Variants in ZNF521 observed in about 807,000 individuals in gnomAD.
ZNF521 encodes LYST-interacting protein 3.
In ZNF521, 14 loss-of-function variants were observed where a neutral mutation model predicts 105.5. The observed-to-expected ratio is 0.13, with a 90% CI of 0.09 to 0.21. The LOEUF (loss-of-function observed/expected upper bound fraction) is 0.21, where lower values mean the gene tolerates loss of function less well. Ranked by LOEUF, ZNF521 falls within the 10% of genes least tolerant of loss-of-function variation. ZNF521 has a pLI of 1.00. For missense variants in ZNF521, 1,233 were observed against 1,629.7 expected, an observed-to-expected ratio of 0.76 and a Z score of 4.19; for synonymous variants, 635 against 606.0, an observed-to-expected ratio of 1.05 and a Z score of -0.70.
At chr18:25,337,504 A>T (rs374192760) in intron 2 of ZNF521, among the ~76,000 whole-genome samples, 6 of 152,230 alleles carry the variant, frequency 3.9e-5, no homozygotes, top group African/African-American at 1.4e-4. Flanking sequence ...AAATAAATAC[A>T]AATAGTTTAT....
intron 3 of ZNF521, among the ~76,000 whole-genome samples, chr18:25,276,629 AT>A (rs1910049127): frequency 6.6e-6 from 1 of 152,176 alleles, no homozygotes; most frequent in Non-Finnish European, 1.5e-5. Context: ...TGCCTGCCTA[AT>A]TCAAGGAAAA....
chr18:25,135,889 G>C (rs1334383364), intron 5 of ZNF521, among the ~76,000 whole-genome samples: 2 of 152,042 alleles, frequency 1.3e-5, no homozygotes, highest in African/African-American at 4.8e-5. Context: ...TAATATATAT[G>C]TCAGCTTAGT....
At chr18:25,078,964 G>A (rs1296569227) in intron 7 of ZNF521, among the ~76,000 whole-genome samples, 1 of 152,216 alleles carries the variant, frequency 6.6e-6, no homozygotes, top group Non-Finnish European at 1.5e-5. Context: ...CCGGCTCTGG[G>A]CTGCAACAAG....
chr18:25,280,085 T>C (rs1337600058), intron 3 of ZNF521, among the ~76,000 whole-genome samples: 8 of 152,142 alleles, frequency 5.3e-5, no homozygotes, highest in African/African-American at 1.9e-4. Context: ...GCTGGAAGGA[T>C]CCTTGGAGAA....
chr18:25,203,757 T>C (rs1309334113), intron 4 of ZNF521, among the ~76,000 whole-genome samples: 1 of 152,200 alleles, frequency 6.6e-6, no homozygotes, highest in African/African-American at 2.4e-5. Context: ...AACCTATAGA[T>C]ACTTGTTTTA....
At chr18:25,110,084 T>TG (rs1486616801) in intron 5 of ZNF521, among the ~76,000 whole-genome samples, 2 of 152,214 alleles carry the variant, frequency 1.3e-5, no homozygotes, top group Non-Finnish European at 2.9e-5. Flanking sequence ...CCATAGGCTG[T>TG]GGGGCAGAAA....
intron 5 of ZNF521, among the ~76,000 whole-genome samples, chr18:25,193,184 T>C (rs1047261268): frequency 4.6e-5 from 7 of 151,982 alleles, no homozygotes; most frequent in East Asian, 1.9e-4. Flanking sequence ...ATAGGAATGA[T>C]ATAAAGCAAT....
chr18:25,293,619 A>C (rs563717369), intron 3 of ZNF521, among the ~76,000 whole-genome samples: 1 of 152,316 alleles, frequency 6.6e-6, no homozygotes, highest in Admixed American at 6.5e-5. Flanking sequence ...CAACACTTGG[A>C]GATTTTATGC....
chr18:25,063,611 G>A (rs1215125276), intron 7 of ZNF521, among the ~76,000 whole-genome samples: 1 of 152,178 alleles, frequency 6.6e-6, no homozygotes, highest in Non-Finnish European at 1.5e-5. Flanking sequence ...TGAACCTCTG[G>A]TCATTCAGCC....
In ZNF521 at chr18:25,242,394, G is replaced by A. The variant is rs188727660; in HGVS notation, c.221-14697C>T. Among the ~76,000 whole-genome samples the A allele has an allele frequency of 1.4e-3, 216 of 152,182 alleles. 1 individual carries two copies. The highest frequency in any genetic ancestry group is 4.9e-3 in the African/African-American group (203 of 41,522). ...TACAAATTTTCAGCCTTCAAGAGAC[G>A]TAATCAAAAAGTTCAAAGATCATGG... On this transcript the variant is annotated intron_variant, in intron 3 of 7. Coordinates refer to ENST00000361524, the MANE Select transcript of ZNF521 (RefSeq NM_015461.3).
In ZNF521 at chr18:25,062,103, GA is replaced by G. The variant is rs991234469; in HGVS notation, c.*608del. The G allele has an allele frequency of 1.8e-4, 36 of 198,836 alleles. No individual in the cohort carries two copies. The highest frequency in any genetic ancestry group is 3.1e-4 in the East Asian group (4 of 12,842). The allele number at this position is 198,836 out of a possible 1,614,324, so 12.3% of individuals were successfully genotyped here. A position where few individuals can be genotyped will look rare whatever the true frequency, so the allele number is the denominator to read the frequency against. On this transcript the variant is annotated 3_prime_UTR_variant, in exon 8 of 8. Transcript: ENST00000361524. ...ACTCAAAGCTTCAAATGTATCCAGG[GA>G]AAAAAAAATTCTTTGACAGTCTACA...
intron 5 of ZNF521, among the ~76,000 whole-genome samples, chr18:25,120,681 T>C (rs1468540322): frequency 2.0e-5 from 3 of 151,504 alleles, no homozygotes; most frequent in Non-Finnish European, 4.4e-5. Context: ...CACATGAGTA[T>C]ACTAAAAGGG....
intron 5 of ZNF521, among the ~76,000 whole-genome samples, chr18:25,110,912 G>A (rs12958285): frequency 0.034 from 5,233 of 151,792 alleles, 157 homozygotes; most frequent in East Asian, 0.13. Context: ...ACAGGCACCC[G>A]CCACCACGCC....
intron 5 of ZNF521, among the ~76,000 whole-genome samples, chr18:25,174,384 C>T (rs1209664191): frequency 6.6e-6 from 1 of 152,100 alleles, no homozygotes; most frequent in Admixed American, 6.6e-5. Flanking sequence ...ATCAAAAAAT[C>T]GTTACACATT....
chr18:25,237,439 T>C (rs1906984512), intron 3 of ZNF521, among the ~76,000 whole-genome samples: 2 of 152,172 alleles, frequency 1.3e-5, no homozygotes, highest in African/African-American at 4.8e-5. Flanking sequence ...TATATATGTG[T>C]CTATATATAA....
At chr18:25,256,320 T>A (rs1319843254) in intron 3 of ZNF521, among the ~76,000 whole-genome samples, 2 of 152,014 alleles carry the variant, frequency 1.3e-5, no homozygotes, top group Non-Finnish European at 2.9e-5. Flanking sequence ...TGAAAAGAGT[T>A]CTGGAGATTG....
At chr18:25,135,727 G>A (rs1337879581) in intron 5 of ZNF521, among the ~76,000 whole-genome samples, 1 of 152,140 alleles carries the variant, frequency 6.6e-6, no homozygotes. Context: ...TAGCTGATTG[G>A]AGAGCCCCAG....
chr18:25,191,902 G>A (rs1267896823), intron 5 of ZNF521, among the ~76,000 whole-genome samples: 1 of 152,128 alleles, frequency 6.6e-6, no homozygotes, highest in East Asian at 1.9e-4. Flanking sequence ...TTACTATGCT[G>A]ATTTCAGAAA....
At chr18:25,118,942 G>A (rs1317332090) in intron 5 of ZNF521, among the ~76,000 whole-genome samples, 1 of 151,938 alleles carries the variant, frequency 6.6e-6, no homozygotes, top group African/African-American at 2.4e-5. Flanking sequence ...TACATACTAC[G>A]AATACAGTAA....
Sources: gnomAD v4.1 joint callset for allele counts (sites outside exome capture counted in the v4.1 genomes callset) on GRCh38, gnomAD v4.1.1 for gene constraint, MANE v1.5 for transcripts, NCBI Gene and HGNC (gene_info 2026-07-23, HGNC 2026-07-21) for gene names.